GBE1: variants seen among roughly 807,000 people sequenced by gnomAD.
GBE1 encodes 1,4-alpha-glucan branching enzyme 1, also known as 1,4-alpha-glucan-branching enzyme.
GBE1 carries 70 observed loss-of-function variants against 88.8 expected under a neutral mutation model. That is an observed-to-expected ratio of 0.79 (90% CI 0.65 to 0.96). The LOEUF (loss-of-function observed/expected upper bound fraction) is 0.96. GBE1 is among the 40% of genes least tolerant of loss of function. The pLI is 0.00. For synonymous variants in GBE1, 284 were observed against 300.1 expected (o/e 0.95, Z 0.56); for missense variants, 872 against 871.0 (o/e 1.00, Z -0.01).
At chr3:81,693,593 G>A (rs937929004) in intron 2 of GBE1, among the ~76,000 whole-genome samples, 1 of 152,140 alleles carries the variant, frequency 6.6e-6, no homozygotes, top group South Asian at 2.1e-4. Flanking sequence ...ACTTAACACA[G>A]TATTTGGCAC....
chr3:81,640,331 G>A (rs562013099), intron 7 of GBE1, among the ~76,000 whole-genome samples: 179 of 152,190 alleles, frequency 1.2e-3, no homozygotes, highest in Non-Finnish European at 1.7e-3. Flanking sequence ...GCAGGCAGAG[G>A]AATGTGGAAA....
intron 3 of GBE1, among the ~76,000 whole-genome samples, chr3:81,657,477 T>A (rs182018177): frequency 6.6e-6 from 1 of 152,272 alleles, no homozygotes; most frequent in African/African-American, 2.4e-5. Flanking sequence ...GCTAGTTCAT[T>A]GTGAACTTTG....
chr3:81,685,918 G>A (rs1399551954), intron 2 of GBE1, among the ~76,000 whole-genome samples: 2 of 152,106 alleles, frequency 1.3e-5, no homozygotes, highest in Non-Finnish European at 2.9e-5. Flanking sequence ...TATCTCTTCA[G>A]CTGCTAAAAT....
At chr3:81,501,218 G>A (rs987233456) in intron 14 of GBE1, among the ~76,000 whole-genome samples, 3 of 152,202 alleles carry the variant, frequency 2.0e-5, no homozygotes, top group South Asian at 4.1e-4. Flanking sequence ...TGTGCCGGGG[G>A]CAGTAAATTG....
intron 1 of GBE1, among the ~76,000 whole-genome samples, chr3:81,729,736 A>G (rs1291952032): frequency 6.6e-6 from 1 of 152,156 alleles, no homozygotes; most frequent in African/African-American, 2.4e-5. Context: ...TCCCCAGCCA[A>G]TACATGCTTT....
At chr3:81,649,211 T>C (rs961132938) in intron 4 of GBE1, among the ~76,000 whole-genome samples, 2 of 152,138 alleles carry the variant, frequency 1.3e-5, no homozygotes, top group Non-Finnish European at 2.9e-5. Flanking sequence ...TAATAGCTTA[T>C]GCCTTATCAT....
chr3:81,499,738 TA>T (rs1252409534), intron 14 of GBE1, among the ~76,000 whole-genome samples: 5 of 152,194 alleles, frequency 3.3e-5, no homozygotes, highest in African/African-American at 4.8e-5. Flanking sequence ...CAATTTCAGA[TA>T]AAAAATATTC....
chr3:81,757,372 C>T (rs1002927194), intron 1 of GBE1, among the ~76,000 whole-genome samples: 1 of 152,108 alleles, frequency 6.6e-6, no homozygotes, highest in African/African-American at 2.4e-5. Context: ...CAGAGGAGTA[C>T]CATGATCAGA....
chr3:81,491,735 A>AG (rs1325441964), intron 15 of GBE1, among the ~76,000 whole-genome samples: 1 of 152,140 alleles, frequency 6.6e-6, no homozygotes, highest in Non-Finnish European at 1.5e-5. Flanking sequence ...AAAAAAAAAA[A>AG]GCTTTCAGAG....
chr3:81,624,170 G>A (rs907795431), intron 7 of GBE1, among the ~76,000 whole-genome samples: 10 of 152,186 alleles, frequency 6.6e-5, no homozygotes, highest in Non-Finnish European at 1.5e-5. Context: ...TGGCAGGAAA[G>A]AGAAGTCCCG....
intron 14 of GBE1, among the ~76,000 whole-genome samples, chr3:81,524,889 T>C (rs1702923646): frequency 6.6e-6 from 1 of 151,882 alleles, no homozygotes; most frequent in African/African-American, 2.4e-5. Context: ...TTTGCTATTC[T>C]GGGTCTTTTA....
chr3:81,738,404 T>C (rs1300523868), intron 1 of GBE1, among the ~76,000 whole-genome samples: 3 of 151,968 alleles, frequency 2.0e-5, no homozygotes, highest in Non-Finnish European at 2.9e-5. Context: ...CCACATCCTC[T>C]CCAGCACCTG....
At chr3:81,496,198 G>T (rs1370947678) in intron 15 of GBE1, among the ~76,000 whole-genome samples, 1 of 152,232 alleles carries the variant, frequency 6.6e-6, no homozygotes. Context: ...GACTGGCAGA[G>T]CTCTGCCCTA....
intron 12 of GBE1, 72 bp downstream of exon 12, chr3:81,577,853 T>A: frequency 8.1e-7 from 1 of 1,233,992 alleles, no homozygotes; most frequent in South Asian, 1.5e-5. Context: ...AATCAAAATA[T>A]TCTACATGAT....
chr3:81,628,198 G>C (rs1293351673), intron 7 of GBE1, among the ~76,000 whole-genome samples: 1 of 152,030 alleles, frequency 6.6e-6, no homozygotes, highest in East Asian at 1.9e-4. Context: ...GGTTGCATTA[G>C]CATACATATT....
At position 81,516,362 on chromosome 3, in the gene GBE1, A is replaced by G. The variant is rs544330542; in HGVS notation, c.1935-17135T>C. On this transcript the variant is annotated intron_variant, in intron 14 of 15. Transcript: ENST00000429644. ...AGCCTGGATGACAGCATGTCTGTTT[A>G]CAGCATGGTTTACTGAGCCTGTAAG... Among the ~76,000 whole-genome samples, 4 of 151,710 alleles carry G rather than the reference A, an allele frequency of 2.6e-5. No individual in the cohort carries two copies. The East Asian group carries it at 7.8e-4, about 30-fold the overall frequency.
At chr3:81,682,637 C>A (rs1705366869) in intron 2 of GBE1, among the ~76,000 whole-genome samples, 1 of 152,010 alleles carries the variant, frequency 6.6e-6, no homozygotes, top group South Asian at 2.1e-4. Flanking sequence ...AAATTTCAAA[C>A]CTTATATACT....
chr3:81,642,311 T>G (rs905919581), intron 7 of GBE1, among the ~76,000 whole-genome samples: 2 of 152,070 alleles, frequency 1.3e-5, no homozygotes, highest in Non-Finnish European at 2.9e-5. Flanking sequence ...GCACCATACA[T>G]GAAACATATT....
chr3:81,613,630 T>G (rs1459161981), intron 7 of GBE1, among the ~76,000 whole-genome samples: 1 of 152,188 alleles, frequency 6.6e-6, no homozygotes, highest in East Asian at 1.9e-4. Context: ...AGTGGGCATT[T>G]TGACAATATG....
Sources: allele counts gnomAD v4.1 joint callset (sites outside exome capture counted in the v4.1 genomes callset), GRCh38; gene constraint gnomAD v4.1.1; transcripts MANE v1.5; gene names NCBI Gene and HGNC (gene_info 2026-07-23, HGNC 2026-07-21).